The following CAMK1D variants were observed in gnomAD, a reference collection of about 807,000 sequenced individuals.
CAMK1D encodes the protein calcium/calmodulin dependent protein kinase ID, also known as calcium/calmodulin-dependent protein kinase type 1D.
In CAMK1D, 9 loss-of-function variants were observed where a neutral mutation model predicts 47.7. The ratio of observed to expected loss-of-function variants is 0.19; its 90% CI spans 0.11 to 0.33. CAMK1D has a LOEUF of 0.33. Ranked by LOEUF, CAMK1D falls within the 10% of genes least tolerant of loss-of-function variation. The pLI is 1.00. For missense variants in CAMK1D, 291 were observed against 488.7 expected (o/e 0.60, Z 3.81); for synonymous variants, 184 against 184.9 (o/e 0.99, Z 0.04).
At chr10:12,451,558 G>C (rs1833083308) in intron 1 of CAMK1D, among the ~76,000 whole-genome samples, 1 of 152,214 alleles carries the variant, frequency 6.6e-6, no homozygotes, top group African/African-American at 2.4e-5. Context: ...AATTTATTTA[G>C]AGGGGGCGAG....
chr10:12,703,140 T>TA (rs367948309), intron 3 of CAMK1D, among the ~76,000 whole-genome samples: 2,937 of 152,268 alleles, frequency 0.019, 39 homozygotes, highest in Middle Eastern at 0.037. Flanking sequence ...AGTTGTCAAA[T>TA]ACACCCGGGA....
intron 5 of CAMK1D, among the ~76,000 whole-genome samples, chr10:12,780,112 A>AT (rs1470381167): frequency 6.6e-6 from 1 of 151,814 alleles, no homozygotes; most frequent in Non-Finnish European, 1.5e-5. Flanking sequence ...TTCTCGGTGT[A>AT]TTTTTTCACT....
At chr10:12,431,438 G>C (rs1056612181) in intron 1 of CAMK1D, among the ~76,000 whole-genome samples, 1 of 152,174 alleles carries the variant, frequency 6.6e-6, no homozygotes, top group Admixed American at 6.5e-5. Flanking sequence ...AGAGAGACTG[G>C]GTGGGTCGGG....
intron 2 of CAMK1D, among the ~76,000 whole-genome samples, chr10:12,658,329 G>C (rs1840176659): frequency 6.6e-6 from 1 of 152,042 alleles, no homozygotes; most frequent in Non-Finnish European, 1.5e-5. Flanking sequence ...GGCTGGGGAG[G>C]GCGGGGTGTG....
intron 1 of CAMK1D, among the ~76,000 whole-genome samples, chr10:12,477,977 T>G (rs1436208869): frequency 1.3e-5 from 2 of 151,932 alleles, no homozygotes; most frequent in Non-Finnish European, 2.9e-5. Flanking sequence ...CTATTATGCC[T>G]CTTTATATCA....
chr10:12,375,646 C>T (rs1838154811), intron 1 of CAMK1D, among the ~76,000 whole-genome samples: 1 of 152,178 alleles, frequency 6.6e-6, no homozygotes. Context: ...TCTGTCCTTC[C>T]ATTTGTTGGG....
intron 3 of CAMK1D, among the ~76,000 whole-genome samples, chr10:12,739,544 C>G (rs910820634): frequency 2.0e-5 from 3 of 151,692 alleles, no homozygotes; most frequent in Admixed American, 2.0e-4. Context: ...CCGCCTCGGC[C>G]TCCCAAAATG....
chr10:12,498,392 C>T (rs1191978113), intron 1 of CAMK1D, among the ~76,000 whole-genome samples: 1 of 152,184 alleles, frequency 6.6e-6, no homozygotes, highest in African/African-American at 2.4e-5. Flanking sequence ...ACCAGGAGAA[C>T]AAGGGAGAAG....
chr10:12,542,273 C>T (rs1337048467), intron 1 of CAMK1D, among the ~76,000 whole-genome samples: 2 of 152,224 alleles, frequency 1.3e-5, no homozygotes, highest in East Asian at 1.9e-4. Flanking sequence ...AATTTATGGT[C>T]GGAGGCTGGG....
chr10:12,561,018 A>C (rs1487265128), intron 2 of CAMK1D, among the ~76,000 whole-genome samples: 1 of 151,028 alleles, frequency 6.6e-6, no homozygotes, highest in Non-Finnish European at 1.5e-5. Context: ...GCTTCACGCC[A>C]TTCTCCTGCC....
At chr10:12,490,155 C>T (rs1406949242) in intron 1 of CAMK1D, among the ~76,000 whole-genome samples, 1 of 152,186 alleles carries the variant, frequency 6.6e-6, no homozygotes, top group African/African-American at 2.4e-5. Flanking sequence ...AGCAACTCGC[C>T]CCCTCTACCC....
At position 12,830,921 on chromosome 10, in the gene CAMK1D, CAAT is replaced by C. The variant is rs1833406211; in HGVS notation, c.*2037_*2039del. 1.2e-5 allele frequency: 1 copy of C among 80,572 alleles called. No homozygotes were observed. Among genetic ancestry groups the C allele is most frequent in the Non-Finnish European group, 2.4e-5 (1 of 41,802 alleles). 5.0% of individuals were successfully genotyped at this position (80,572 alleles called of 1,614,324 possible). ...GTTGAGTGATGCCCCCCCACCCTCTCAATAAACACACACACACACACACACACA... is the reference window on the plus strand; with the variant it reads ...GTTGAGTGATGCCCCCCCACCCTCTCAAACACACACACACACACACACACA... On this transcript the variant is annotated 3_prime_UTR_variant, in exon 11 of 11. Coordinates refer to ENST00000619168, the MANE Select transcript of CAMK1D (RefSeq NM_153498.4).
At chr10:12,430,520 C>T (rs1400364960) in intron 1 of CAMK1D, among the ~76,000 whole-genome samples, 1 of 152,182 alleles carries the variant, frequency 6.6e-6, no homozygotes, top group Non-Finnish European at 1.5e-5. Context: ...CGACTTTTTC[C>T]TTGTCCTGTC....
chr10:12,814,389 G>A, intron 7 of CAMK1D, 82 bp downstream of exon 7: 1 of 834,400 alleles, frequency 1.2e-6, no homozygotes, highest in East Asian at 2.5e-5. Flanking sequence ...AGGCCCAGGG[G>A]ACCCTGGGGG....
Position 12,814,205 on chromosome 10 carries a change from T to C in CAMK1D, c.652T>C (p.Tyr218His). The change falls in exon 7 of 11, where the codon TAC becomes CAC. Residue 218 changes from tyrosine (Y) to histidine (H), a missense_variant. Tyr to His is a moderately conservative substitution (Grantham distance 83, BLOSUM62 2). Coordinates refer to ENST00000619168, the MANE Select transcript of CAMK1D (RefSeq NM_153498.4). ...GVIAYILLCG[Y>H]PPFYDENDSK... is the part of the protein sequence containing the mutation. Reference sequence around the variant, plus strand: ...CATTTTGTCTCCTAGGCTCTGCGGCTACCCTCCTTTTTATGATGAAAATGA... The same window carrying C: ...CATTTTGTCTCCTAGGCTCTGCGGCCACCCTCCTTTTTATGATGAAAATGA... 1 of 1,612,484 alleles carries C rather than the reference T, an allele frequency of 6.2e-7. No individual in the cohort carries two copies. The highest frequency in any genetic ancestry group is 1.3e-5 in the African/African-American group (1 of 74,994).
chr10:12,403,385 G>T (rs751142792), intron 1 of CAMK1D, among the ~76,000 whole-genome samples: 1 of 152,294 alleles, frequency 6.6e-6, no homozygotes, highest in South Asian at 2.1e-4. Context: ...TCCTCGCTCC[G>T]TGCCCACCTG....
At chr10:12,638,846 T>A (rs2132481997) in intron 2 of CAMK1D, among the ~76,000 whole-genome samples, 1 of 152,290 alleles carries the variant, frequency 6.6e-6, no homozygotes, top group South Asian at 2.1e-4. Flanking sequence ...CCCATCTTCC[T>A]CTGGGAGGGT....
At chr10:12,491,908 TC>T (rs1274185759) in intron 1 of CAMK1D, among the ~76,000 whole-genome samples, 1 of 152,176 alleles carries the variant, frequency 6.6e-6, no homozygotes, top group African/African-American at 2.4e-5. Flanking sequence ...TGCCTCAGTC[TC>T]CCAAGTAACT....
intron 1 of CAMK1D, among the ~76,000 whole-genome samples, chr10:12,541,809 A>G (rs549990246): frequency 3.9e-4 from 59 of 149,506 alleles, no homozygotes; most frequent in Non-Finnish European, 7.3e-4. Context: ...TCTCAAGCCA[A>G]GTACCACTGA....
Sources: allele counts gnomAD v4.1 joint callset (sites outside exome capture counted in the v4.1 genomes callset), GRCh38; gene constraint gnomAD v4.1.1; transcripts MANE v1.5; gene names NCBI Gene and HGNC (gene_info 2026-07-23, HGNC 2026-07-21).